Variants in TMEM163 observed in about 807,000 individuals in gnomAD.
TMEM163 encodes the protein transmembrane protein 163.
In TMEM163, 17 loss-of-function variants were observed where a neutral mutation model predicts 29.3. The ratio of observed to expected loss-of-function variants is 0.58; its 90% CI spans 0.40 to 0.87. TMEM163 has a LOEUF of 0.87. TMEM163 is among the 40% of genes least tolerant of loss of function. TMEM163 has a pLI of 0.00. For missense variants in TMEM163, 303 were observed against 381.5 expected (o/e 0.79, Z 1.71); for synonymous variants, 157 against 160.6 (o/e 0.98, Z 0.17).
chr2:134,466,249 C>G (rs893296328), intron 5 of TMEM163, 24 bp from the exon 6 acceptor site: 2 of 1,586,534 alleles, frequency 1.3e-6, no homozygotes, highest in African/African-American at 2.7e-5. Context: ...TTCCAGATTT[C>G]AACAGTTCAC....
chr2:134,498,385 T>C (rs1275768415), intron 5 of TMEM163, among the ~76,000 whole-genome samples: 1 of 133,686 alleles, frequency 7.5e-6, no homozygotes, highest in African/African-American at 2.9e-5. Context: ...TGAGACGGAG[T>C]CTTGCACTGT....
At chr2:134,530,509 T>C (rs1229414394) in intron 4 of TMEM163, among the ~76,000 whole-genome samples, 1 of 152,146 alleles carries the variant, frequency 6.6e-6, no homozygotes, top group Non-Finnish European at 1.5e-5. Context: ...ACTCCTAGGC[T>C]CAAGTGATAC....
At chr2:134,575,117 C>T (rs542492215) in intron 2 of TMEM163, among the ~76,000 whole-genome samples, 10 of 152,132 alleles carry the variant, frequency 6.6e-5, no homozygotes, top group South Asian at 2.1e-4. Flanking sequence ...AGGAAGGGAA[C>T]GCAATGACCT....
intron 2 of TMEM163, among the ~76,000 whole-genome samples, chr2:134,553,857 G>A (rs1303879828): frequency 1.3e-5 from 2 of 152,162 alleles, no homozygotes; most frequent in African/African-American, 2.4e-5. Flanking sequence ...CCATGCTGAC[G>A]TGTGCAAAAA....
intron 2 of TMEM163, among the ~76,000 whole-genome samples, chr2:134,622,691 G>A (rs1452932215): frequency 2.6e-5 from 4 of 152,128 alleles, no homozygotes; most frequent in African/African-American, 7.2e-5. Flanking sequence ...ACTACCAGCC[G>A]CCTGCTTGCT....
intron 4 of TMEM163, among the ~76,000 whole-genome samples, chr2:134,507,365 TAA>T (rs1679848150): frequency 8.4e-6 from 1 of 118,470 alleles, no homozygotes; most frequent in Non-Finnish European, 1.8e-5. Flanking sequence ...AATAAATAAA[TAA>T]ATAAATAAAT....
chr2:134,677,529 CT>C (rs1684142603), intron 2 of TMEM163, among the ~76,000 whole-genome samples: 1 of 152,156 alleles, frequency 6.6e-6, no homozygotes, highest in South Asian at 2.1e-4. Flanking sequence ...TTAAATTCCT[CT>C]TGCGGGGAGC....
intron 2 of TMEM163, among the ~76,000 whole-genome samples, chr2:134,712,930 TCAGCTAG>T (rs1304213522): frequency 6.6e-6 from 1 of 152,154 alleles, no homozygotes; most frequent in Non-Finnish European, 1.5e-5. Flanking sequence ...TTTTCACTAT[TCAGCTAG>T]CAGCCAGCAT....
chr2:134,710,088 A>C (rs1684895713), intron 2 of TMEM163, among the ~76,000 whole-genome samples: 1 of 152,210 alleles, frequency 6.6e-6, no homozygotes, highest in Admixed American at 6.5e-5. Flanking sequence ...ACAAATATTC[A>C]TTGATATATT....
In TMEM163 at chr2:134,647,358, A is replaced by C. The variant is rs534759832; in HGVS notation, c.322+65842T>G. Among the ~76,000 whole-genome samples, 7 of 152,300 alleles carry C rather than the reference A, an allele frequency of 4.6e-5. No individual in the cohort carries two copies. In the South Asian group the frequency reaches 1.5e-3, roughly 32 times the overall value. On this transcript the variant is annotated intron_variant, in intron 2 of 7. Coordinates refer to ENST00000281924, the MANE Select transcript of TMEM163 (RefSeq NM_030923.5). ...ATAAAATTTAAAGAGGAAGACTCTTAGTTTCCCCCAGCATCCCTCACCTCT... is the reference window on the plus strand; with the variant it reads ...ATAAAATTTAAAGAGGAAGACTCTTCGTTTCCCCCAGCATCCCTCACCTCT...
chr2:134,666,649 C>A (rs995599292), intron 2 of TMEM163, among the ~76,000 whole-genome samples: 1 of 152,152 alleles, frequency 6.6e-6, no homozygotes, highest in South Asian at 2.1e-4. Flanking sequence ...AGAGTGTAGA[C>A]TTTCACTTAA....
intron 4 of TMEM163, among the ~76,000 whole-genome samples, chr2:134,510,697 A>T (rs1042506148): frequency 6.6e-6 from 1 of 152,170 alleles, no homozygotes; most frequent in Non-Finnish European, 1.5e-5. Context: ...TGCATCCAAG[A>T]GCAGGAAGTG....
chr2:134,661,046 G>A (rs560921380), intron 2 of TMEM163, among the ~76,000 whole-genome samples: 1 of 152,228 alleles, frequency 6.6e-6, no homozygotes, highest in Admixed American at 6.5e-5. Context: ...CAGGATTAGG[G>A]TCCTTATTGC....
At chr2:134,550,966 T>G (rs1387087655) in intron 3 of TMEM163, among the ~76,000 whole-genome samples, 1 of 152,146 alleles carries the variant, frequency 6.6e-6, no homozygotes, top group East Asian at 1.9e-4. Flanking sequence ...TTCCCCATGA[T>G]AGTCAAGATA....
rs185534222 is a variant in TMEM163, at chr2:134,620,360, G to A, written c.323-68269C>T. 2.2e-3 allele frequency among the ~76,000 whole-genome samples: 340 copies of A among 151,838 alleles called. 3 individuals are homozygous for A. Among genetic ancestry groups the A allele is most frequent in the Admixed American group, 0.012 (179 of 15,216 alleles). ...CAACCTCCACCTCCCGGGTTCAAGC[G>A]CTTCTCCTGCCTCAGCCTCCCAAGT... On this transcript the variant is annotated intron_variant, in intron 2 of 7. Transcript: ENST00000281924.
chr2:134,545,388 A>G lies in TMEM163; in HGVS notation c.458+5182T>C, dbSNP rs541951435. ...CTAATAAAAATGTAGCTGTTCTCTG[A>G]GGAAGCTGCTTTCCCTGCCTTTGCA... On this transcript the variant is annotated intron_variant, in intron 4 of 7. Transcript: ENST00000281924. Among the ~76,000 whole-genome samples, 16 of 152,278 alleles carry G rather than the reference A, an allele frequency of 1.1e-4. No homozygotes were observed. In the East Asian group the frequency reaches 3.1e-3, roughly 29 times the overall value.
At chr2:134,459,955 G>A (rs1574147102) in intron 6 of TMEM163, among the ~76,000 whole-genome samples, 1 of 152,044 alleles carries the variant, frequency 6.6e-6, no homozygotes, top group Non-Finnish European at 1.5e-5. Flanking sequence ...AGCCCTGAGC[G>A]CCACCTCGCC....
intron 2 of TMEM163, among the ~76,000 whole-genome samples, chr2:134,711,187 G>A (rs1278731459): frequency 6.6e-6 from 1 of 152,130 alleles, no homozygotes; most frequent in Non-Finnish European, 1.5e-5. Context: ...CCATATAAAT[G>A]ATGCTTTGGA....
intron 5 of TMEM163, among the ~76,000 whole-genome samples, chr2:134,483,863 G>A (rs1307550524): frequency 6.6e-6 from 1 of 152,212 alleles, no homozygotes; most frequent in Non-Finnish European, 1.5e-5. Flanking sequence ...ACAATTTTGG[G>A]CCAGGCACAG....
Sources: allele counts gnomAD v4.1 joint callset (sites outside exome capture counted in the v4.1 genomes callset), GRCh38; gene constraint gnomAD v4.1.1; transcripts MANE v1.5; gene names NCBI Gene and HGNC (gene_info 2026-07-23, HGNC 2026-07-21).